The following MDN1 variants were observed in gnomAD, a reference collection of about 807,000 sequenced individuals.
The protein encoded by MDN1 is midasin AAA ATPase 1.
A neutral mutation model predicts 669.2 loss-of-function variants in MDN1; 266 were observed. The ratio of observed to expected loss-of-function variants is 0.40; its 90% CI spans 0.36 to 0.44. The LOEUF (loss-of-function observed/expected upper bound fraction) is 0.44. Ranked by LOEUF, MDN1 falls within the 20% of genes least tolerant of loss-of-function variation. MDN1 has a pLI of 1.00. For missense variants in MDN1, 5,940 were observed against 6,754.0 expected (o/e 0.88, Z 4.22); for synonymous variants, 2,385 against 2,457.1 (o/e 0.97, Z 0.87).
Position 89,645,177 on chromosome 6 carries a change from A to T in MDN1, c.16460-20T>A. 1 of 1,568,710 alleles carries T rather than the reference A, an allele frequency of 6.4e-7. No individual in the cohort carries two copies. The highest frequency in any genetic ancestry group is 8.7e-7 in the Non-Finnish European group (1 of 1,147,228). ...CAGTTTCTGTAGACCATATAAGACG[A>T]AGCAAGGGAATAAAATGAACAGCCA... is the stretch of plus-strand genomic sequence containing the variant. On this transcript the variant is annotated intron_variant, in intron 100 of 101. Transcript: ENST00000369393.
chr6:89,774,047 A>AG (rs1321028797), intron 13 of MDN1, among the ~76,000 whole-genome samples: 1 of 152,124 alleles, frequency 6.6e-6, no homozygotes, highest in Non-Finnish European at 1.5e-5. Context: ...GAGCCTTCAG[A>AG]GGGAGGAGCA....
At chr6:89,664,764 C>T (rs1425804375) in intron 84 of MDN1, 136 bp from the exon 85 acceptor site, 3 of 639,114 alleles carry the variant, frequency 4.7e-6, no homozygotes, top group Non-Finnish European at 7.5e-6. Flanking sequence ...ACAGAGACAG[C>T]CACATGGAAT....
intron 91 of MDN1, among the ~76,000 whole-genome samples, chr6:89,656,190 C>T (rs536219280): frequency 1.3e-5 from 2 of 152,250 alleles, no homozygotes; most frequent in Admixed American, 1.3e-4. Context: ...AAGAAACACA[C>T]TTTCACACAT....
intron 23 of MDN1, 47 bp downstream of exon 23, chr6:89,751,384 C>T (rs752654101): frequency 5.6e-6 from 9 of 1,610,078 alleles, no homozygotes; most frequent in South Asian, 3.3e-5. Context: ...GTCATCAATG[C>T]CTATGCCTGT....
At chr6:89,811,506 G>A (rs528372335) in intron 1 of MDN1, among the ~76,000 whole-genome samples, 3 of 151,808 alleles carry the variant, frequency 2.0e-5, no homozygotes, top group South Asian at 4.1e-4. Context: ...GTACGATGTC[G>A]GCTCACTGTG....
At chr6:89,678,143 G>A (rs770828320) in intron 75 of MDN1, among the ~76,000 whole-genome samples, 5 of 151,974 alleles carry the variant, frequency 3.3e-5, no homozygotes, top group Non-Finnish European at 5.9e-5. Flanking sequence ...GTGGTGGCAC[G>A]CGCCTGTAGT....
intron 1 of MDN1, chr6:89,815,317 C>A: frequency 2.1e-6 from 1 of 483,076 alleles, no homozygotes; most frequent in South Asian, 1.6e-5. Flanking sequence ...TCTCCAGAAG[C>A]TGTCCCAAGA....
intron 31 of MDN1, among the ~76,000 whole-genome samples, chr6:89,742,469 C>A (rs751003972): frequency 6.6e-5 from 10 of 152,150 alleles, no homozygotes; most frequent in Non-Finnish European, 1.2e-4. Context: ...GAGTAATAAA[C>A]TCCTGTCCTT....
Position 89,686,997 on chromosome 6 carries a change from G to C in MDN1, c.11477C>G (p.Thr3826Ser). ...GGATTTCTCGGTGTGGCGCTTCATA[G>C]TATTATCCAAACTCATGGACCAGCA... is the stretch of plus-strand genomic sequence containing the variant. ...LNCWSMSLDNTMKRHTEKSTK... is the reference protein window; with the variant it reads ...LNCWSMSLDNSMKRHTEKSTK... Residue 3826 changes from threonine to serine, a missense_variant, in exon 69 of 102, where the codon ACT (threonine) becomes AGT (serine). Physicochemically the swap from Thr to Ser is moderately conservative, Grantham distance 58 (BLOSUM62 1). Coordinates refer to ENST00000369393, the MANE Select transcript of MDN1 (RefSeq NM_014611.3). 6.2e-7 allele frequency: 1 copy of C among 1,603,986 alleles called. No individual in the cohort carries two copies. The highest frequency in any genetic ancestry group is 8.5e-7 in the Non-Finnish European group (1 of 1,175,000).
In MDN1 at chr6:89,789,923, A is replaced by C; in HGVS notation, c.1099-12T>G. 6.2e-7 allele frequency: 1 copy of C among 1,605,942 alleles called. No individual in the cohort carries two copies. Among genetic ancestry groups the C allele is most frequent in the Non-Finnish European group, 8.5e-7 (1 of 1,177,284 alleles). On this transcript the variant is annotated splice_polypyrimidine_tract_variant and intron_variant, in intron 6 of 101. Coordinates refer to ENST00000369393, the MANE Select transcript of MDN1 (RefSeq NM_014611.3). ...ATCCCCAAAAGCATCTGCAGAAAGA[A>C]GATAAAGTAATTACTGAAAAACCAT...
In MDN1 at chr6:89,806,680, T is replaced by C. The variant is rs1057466707; in HGVS notation, c.103-3126A>G. 5.9e-5 allele frequency among the ~76,000 whole-genome samples: 9 copies of C among 152,168 alleles called. 1 individual carries two copies. Among genetic ancestry groups the C allele is most frequent in the African/African-American group, 1.7e-4 (7 of 41,504 alleles). Reference sequence around the variant, plus strand: ...TTGCAGTGAACTGAGAATGCACCACTGCACTCCAGCCCGGGCAACAGATAG... The same window carrying C: ...TTGCAGTGAACTGAGAATGCACCACCGCACTCCAGCCCGGGCAACAGATAG... On this transcript the variant is annotated intron_variant, in intron 1 of 101. Coordinates refer to ENST00000369393, the MANE Select transcript of MDN1 (RefSeq NM_014611.3).
chr6:89,738,225 A>ACAG, intron 33 of MDN1, 101 bp downstream of exon 33: 1 of 1,339,842 alleles, frequency 7.5e-7, no homozygotes, highest in Admixed American at 2.2e-5. Flanking sequence ...CTTATAACAC[A>ACAG]CCATATACAC....
intron 59 of MDN1, among the ~76,000 whole-genome samples, chr6:89,697,861 C>A (rs574309155): frequency 6.6e-6 from 1 of 152,126 alleles, no homozygotes; most frequent in South Asian, 2.1e-4. Flanking sequence ...GGATTACAGG[C>A]GTGAGCTACA....
chr6:89,717,906 T>C (rs1293481801), intron 43 of MDN1, among the ~76,000 whole-genome samples: 2 of 152,156 alleles, frequency 1.3e-5, no homozygotes, highest in African/African-American at 4.8e-5. Flanking sequence ...TCACCACCAC[T>C]CTGAAAGTGG....
At chr6:89,805,210 T>G (rs1368287484) in intron 1 of MDN1, among the ~76,000 whole-genome samples, 1 of 152,142 alleles carries the variant, frequency 6.6e-6, no homozygotes, top group African/African-American at 2.4e-5. Context: ...ACATGCCCTT[T>G]GACCTTGCAA....
chr6:89,653,133 C>T lies in MDN1; in HGVS notation c.15684G>A (p.Glu5228=). The T allele has an allele frequency of 6.2e-7, 1 of 1,612,848 alleles. No homozygotes were observed. Among genetic ancestry groups the T allele is most frequent in the South Asian group, 1.1e-5 (1 of 90,702 alleles). Residue 5228 remains glutamate, a synonymous_variant, in exon 94 of 102, where the codon GAG becomes GAA. Coordinates refer to ENST00000369393, the MANE Select transcript of MDN1 (RefSeq NM_014611.3). ...APLGFDEMEV[E]IQTVKTEEDQ... is the part of the protein sequence containing the mutation. ...CTTCCTCTGTTTTAACAGTTTGGAT[C>T]TCCACTTCCATCTCATCAAAGCCTA...
At chr6:89,744,103 TA>T (rs576136951) in intron 29 of MDN1, among the ~76,000 whole-genome samples, 129 of 36,740 alleles carry the variant, frequency 3.5e-3, no homozygotes, top group African/African-American at 7.2e-3. Context: ...AATGCCTTCT[TA>T]AAAAAAAAAA....
intron 1 of MDN1, chr6:89,815,187 C>A: frequency 2.6e-6 from 1 of 384,018 alleles, no homozygotes; most frequent in East Asian, 6.4e-5. Context: ...ACGTGCCTAC[C>A]CTCTACGGCA....
intron 74 of MDN1, among the ~76,000 whole-genome samples, chr6:89,680,343 G>T (rs1049238364): frequency 2.6e-5 from 4 of 152,164 alleles, no homozygotes; most frequent in African/African-American, 9.7e-5. Context: ...TATAGACAAG[G>T]CTCTCATAAA....
Sources: gnomAD v4.1 joint callset for allele counts (sites outside exome capture counted in the v4.1 genomes callset) on GRCh38, gnomAD v4.1.1 for gene constraint, MANE v1.5 for transcripts, NCBI Gene and HGNC (gene_info 2026-07-23, HGNC 2026-07-21) for gene names.